Variants in RBM20 observed in about 807,000 individuals in gnomAD.
RBM20 encodes the protein RNA binding motif protein 20.
In RBM20, 51 loss-of-function variants were observed where a neutral mutation model predicts 110.1. The observed-to-expected ratio is 0.46, with a 90% CI of 0.37 to 0.59. The LOEUF (loss-of-function observed/expected upper bound fraction) is 0.59, where lower values mean the gene tolerates loss of function less well. Ranked by LOEUF, RBM20 falls within the 20% of genes least tolerant of loss-of-function variation. The pLI is 0.00. For synonymous variants in RBM20, 589 were observed against 618.2 expected (o/e 0.95, Z 0.70); for missense variants, 1,512 against 1,574.9 (o/e 0.96, Z 0.68).
intron 5 of RBM20, among the ~76,000 whole-genome samples, chr10:110,792,187 C>G (rs184320275): frequency 1.4e-5 from 2 of 145,998 alleles, no homozygotes; most frequent in Non-Finnish European, 3.0e-5. Context: ...ATCTATCTAT[C>G]TATGTATCCA....
chr10:110,788,103 G>A (rs932624901), intron 5 of RBM20, among the ~76,000 whole-genome samples: 9 of 152,090 alleles, frequency 5.9e-5, no homozygotes, highest in African/African-American at 2.2e-4. Context: ...AACCTAGGCA[G>A]CCTAGCTCTG....
intron 12 of RBM20, among the ~76,000 whole-genome samples, chr10:110,824,421 C>T (rs964821092): frequency 6.6e-6 from 1 of 152,180 alleles, no homozygotes; most frequent in Non-Finnish European, 1.5e-5. Context: ...CAGACTACCC[C>T]TAGTTCATAG....
intron 1 of RBM20, among the ~76,000 whole-genome samples, chr10:110,671,688 A>G (rs1211991715): frequency 1.3e-5 from 2 of 151,960 alleles, no homozygotes; most frequent in Non-Finnish European, 2.9e-5. Context: ...CCAGCTCAAG[A>G]TTTTTTTTAA....
At chr10:110,770,604 G>A (rs111341591) in intron 1 of RBM20, among the ~76,000 whole-genome samples, 3 of 152,286 alleles carry the variant, frequency 2.0e-5, no homozygotes, top group Non-Finnish European at 2.9e-5. Flanking sequence ...CTGAAATCAC[G>A]TCAGTTAAAA....
At chr10:110,827,812 G>T (rs1456284179) in intron 12 of RBM20, 1 of 152,146 alleles carries the variant, frequency 6.6e-6, no homozygotes, top group African/African-American at 2.4e-5. Context: ...TAACCCTTTA[G>T]CCTGCAGGAC....
chr10:110,657,848 G>A (rs1013986798), intron 1 of RBM20, among the ~76,000 whole-genome samples: 2 of 152,196 alleles, frequency 1.3e-5, no homozygotes. Context: ...CTAGGCCAAT[G>A]ATATTTTAAC....
At chr10:110,826,544 G>A (rs560765325) in intron 12 of RBM20, among the ~76,000 whole-genome samples, 3 of 150,776 alleles carry the variant, frequency 2.0e-5, no homozygotes, top group East Asian at 3.9e-4. Context: ...AGATTCATCT[G>A]TACTGTTGGG....
intron 1 of RBM20, among the ~76,000 whole-genome samples, chr10:110,761,836 A>C (rs1271742380): frequency 6.6e-6 from 1 of 152,220 alleles, no homozygotes; most frequent in African/African-American, 2.4e-5. Flanking sequence ...AACAGTATTC[A>C]TGGGGGCCAG....
At chr10:110,660,335 T>C (rs1862084271) in intron 1 of RBM20, among the ~76,000 whole-genome samples, 1 of 152,152 alleles carries the variant, frequency 6.6e-6, no homozygotes, top group Admixed American at 6.5e-5. Flanking sequence ...TTAAATTGCA[T>C]CTTGAACCCA....
At chr10:110,827,927 C>T (rs963349571) in intron 12 of RBM20, 1 of 152,150 alleles carries the variant, frequency 6.6e-6, no homozygotes, top group Non-Finnish European at 1.5e-5. Flanking sequence ...GGACTGGGCT[C>T]CCAGATGGGA....
intron 1 of RBM20, among the ~76,000 whole-genome samples, chr10:110,745,671 T>C (rs1843771519): frequency 6.6e-6 from 1 of 152,194 alleles, no homozygotes; most frequent in South Asian, 2.1e-4. Flanking sequence ...AGCCGTCATA[T>C]CCAATTCAAT....
intron 1 of RBM20, among the ~76,000 whole-genome samples, chr10:110,767,885 T>C (rs974854837): frequency 1.3e-5 from 2 of 152,128 alleles, no homozygotes; most frequent in Non-Finnish European, 2.9e-5. Context: ...TCCCAGACGA[T>C]GGGTGGAGGT....
intron 13 of RBM20, 138 bp downstream of exon 13, chr10:110,831,320 C>A: frequency 1.2e-6 from 1 of 829,598 alleles, no homozygotes; most frequent in Non-Finnish European, 1.8e-6. Context: ...CCACAGGTTA[C>A]TTGCCATTCC....
At chr10:110,828,832 T>C (rs544812154) in intron 12 of RBM20, among the ~76,000 whole-genome samples, 1 of 151,396 alleles carries the variant, frequency 6.6e-6, no homozygotes, top group African/African-American at 2.4e-5. Flanking sequence ...TGCTTTTTGT[T>C]TTTTGTTTGT....
intron 1 of RBM20, among the ~76,000 whole-genome samples, chr10:110,729,339 T>TGGGCTTCTCTTTTCTGCCC (rs1843595963): frequency 2.0e-5 from 3 of 152,222 alleles, no homozygotes; most frequent in Non-Finnish European, 4.4e-5. Flanking sequence ...TCCTGGTGCC[T>TGGGCTTCTCTTTTCTGCCC]GGGCTTCTCT....
rs1192946973 is a variant in RBM20, at chr10:110,839,456, A to G, written c.*3478A>G. On this transcript the variant is annotated 3_prime_UTR_variant, in exon 14 of 14. Coordinates refer to ENST00000369519, the MANE Select transcript of RBM20 (RefSeq NM_001134363.3). ...AAAAGAAAAGATTTTTAATAAAGAG[A>G]ATTTGAAAGCTGTGAGTGAGTGACT... 1.3e-5 allele frequency: 2 copies of G among 151,974 alleles called. No individual in the cohort carries two copies. Among genetic ancestry groups the G allele is most frequent in the African/African-American group, 4.8e-5 (2 of 41,342 alleles). The allele number at this position is 151,974 out of a possible 1,614,324, so 9.4% of individuals were successfully genotyped here.
intron 1 of RBM20, among the ~76,000 whole-genome samples, chr10:110,735,227 A>G (rs560140435): frequency 1.3e-5 from 2 of 152,334 alleles, no homozygotes; most frequent in South Asian, 2.1e-4. Flanking sequence ...ATAGGAAAAA[A>G]TAAATAGTAT....
chr10:110,670,266 G>C (rs1862238526), intron 1 of RBM20, among the ~76,000 whole-genome samples: 1 of 152,154 alleles, frequency 6.6e-6, no homozygotes, highest in African/African-American at 2.4e-5. Flanking sequence ...GAGTCTAAAA[G>C]TTTCACACCT....
In RBM20 at chr10:110,781,958, C is replaced by T; in HGVS notation, c.1275+74C>T. ...GCCTTTCCCCATGACCCAACTCACG[C>T]TGCCAATGGGCAAGGAACTGTTGCA... On this transcript the variant is annotated intron_variant, in intron 2 of 13. Transcript: ENST00000369519. 2.6e-6 allele frequency: 4 copies of T among 1,528,594 alleles called. No individual in the cohort carries two copies. In the South Asian group the frequency reaches 4.8e-5, roughly 18 times the overall value. 94.7% of individuals were successfully genotyped at this position (1,528,594 alleles called of 1,614,324 possible).
Sources: allele counts gnomAD v4.1 joint callset (sites outside exome capture counted in the v4.1 genomes callset), GRCh38; gene constraint gnomAD v4.1.1; transcripts MANE v1.5; gene names NCBI Gene and HGNC (gene_info 2026-07-23, HGNC 2026-07-21).